The following BANK1 variants were observed in gnomAD, a reference collection of about 807,000 sequenced individuals.
The protein encoded by BANK1 is B-cell scaffold protein with ankyrin repeats.
BANK1 carries 95 observed loss-of-function variants against 94.5 expected under a neutral mutation model. The observed-to-expected ratio is 1.00, with a 90% CI of 0.85 to 1.19. The LOEUF is 1.19. Ranked by LOEUF, BANK1 falls within the 50% of genes most tolerant of loss-of-function variation. The pLI, the probability that BANK1 is intolerant of heterozygous loss-of-function variation, is 0.00. For synonymous variants in BANK1, 334 were observed against 308.4 expected (o/e 1.08, Z -0.87); for missense variants, 987 against 932.2 (o/e 1.06, Z -0.77).
At chr4:101,936,316 CAT>C (rs781465348) in intron 7 of BANK1, among the ~76,000 whole-genome samples, 22 of 149,876 alleles carry the variant, frequency 1.5e-4, no homozygotes, top group South Asian at 6.3e-4. Flanking sequence ...CATATGTACA[CAT>C]ATGTATCCAT....
chr4:101,813,459 G>A (rs1414249630), intron 1 of BANK1, among the ~76,000 whole-genome samples: 3 of 152,032 alleles, frequency 2.0e-5, no homozygotes, highest in African/African-American at 7.2e-5. Context: ...GTATAAAAAA[G>A]CCACTATGGT....
intron 2 of BANK1, among the ~76,000 whole-genome samples, chr4:101,854,598 G>T (rs1460279610): frequency 6.6e-6 from 1 of 151,384 alleles, no homozygotes; most frequent in South Asian, 2.1e-4. Flanking sequence ...TCCCATAATT[G>T]TGCTTTCTGT....
chr4:102,007,145 TTTATATATATATA>T (rs1726325739), intron 7 of BANK1, among the ~76,000 whole-genome samples: 3 of 19,290 alleles, frequency 1.6e-4, no homozygotes, highest in African/African-American at 2.3e-4. Context: ...AAAAATATAT[TTTATATATATATA>T]TATATATATA....
intron 1 of BANK1, among the ~76,000 whole-genome samples, chr4:101,828,641 A>G (rs1726474207): frequency 6.6e-6 from 1 of 152,004 alleles, no homozygotes; most frequent in South Asian, 2.1e-4. Context: ...TAGCATTGTT[A>G]CATTCTTTTT....
intron 1 of BANK1, among the ~76,000 whole-genome samples, chr4:101,826,118 A>G (rs1175452706): frequency 6.6e-6 from 1 of 152,088 alleles, no homozygotes; most frequent in South Asian, 2.1e-4. Context: ...GTTAGAGTAC[A>G]TGATATGTTC....
At chr4:101,814,019 T>G in intron 1 of BANK1, 14 of 410,302 alleles carry the variant, frequency 3.4e-5, no homozygotes, top group South Asian at 2.0e-4. Flanking sequence ...TGAGATGATA[T>G]TTCTTTAGAG....
chr4:101,796,089 G>A (rs945885209), intron 1 of BANK1, among the ~76,000 whole-genome samples: 1 of 152,204 alleles, frequency 6.6e-6, no homozygotes, highest in Non-Finnish European at 1.5e-5. Context: ...GTCAGTGGAA[G>A]ATCCAGTATA....
At chr4:101,909,383 G>T (rs567589186) in intron 6 of BANK1, among the ~76,000 whole-genome samples, 1 of 152,252 alleles carries the variant, frequency 6.6e-6, no homozygotes, top group East Asian at 1.9e-4. Flanking sequence ...CACACACCGG[G>T]GCCTGTCGTG....
intron 1 of BANK1, among the ~76,000 whole-genome samples, chr4:101,817,366 A>G (rs1212949534): frequency 6.6e-6 from 1 of 152,208 alleles, no homozygotes; most frequent in African/African-American, 2.4e-5. Context: ...GAATGCGATT[A>G]TGTCCTTTGC....
chr4:101,883,709 T>G (rs542926654), intron 5 of BANK1, among the ~76,000 whole-genome samples: 2 of 152,276 alleles, frequency 1.3e-5, no homozygotes, highest in East Asian at 3.9e-4. Flanking sequence ...TACTACCTGC[T>G]TTTTTAGAGG....
intron 5 of BANK1, among the ~76,000 whole-genome samples, chr4:101,876,522 G>A (rs888036040): frequency 1.3e-5 from 2 of 152,036 alleles, no homozygotes; most frequent in Non-Finnish European, 2.9e-5. Context: ...AAACAGATAC[G>A]GCTTAGATCA....
Position 101,977,209 on chromosome 4 carries a change from G to T in BANK1, c.1207-44305G>T, listed in dbSNP as rs565182173. 4 of 152,156 alleles carry T rather than the reference G, an allele frequency of 2.6e-5. No individual in the cohort carries two copies. The South Asian group carries it at 8.3e-4, about 32-fold the overall frequency. The allele number at this position is 152,156 out of a possible 1,614,324, so 9.4% of individuals were successfully genotyped here. On this transcript the variant is annotated intron_variant, in intron 7 of 16. Coordinates refer to ENST00000322953, the MANE Select transcript of BANK1 (RefSeq NM_017935.5). ...GCTTCTGCTCATCATAATCACTAAG[G>T]ACCCAGCCTGGCAGACTTCATCATT...
At chr4:102,037,989 G>A (rs1182669195) in intron 10 of BANK1, among the ~76,000 whole-genome samples, 1 of 152,060 alleles carries the variant, frequency 6.6e-6, no homozygotes, top group Non-Finnish European at 1.5e-5. Flanking sequence ...TTCCACTATT[G>A]AATACTATCT....
intron 7 of BANK1, among the ~76,000 whole-genome samples, chr4:101,950,089 A>G (rs990605165): frequency 4.0e-5 from 6 of 151,746 alleles, no homozygotes. Context: ...GCCTACACAA[A>G]TGAGACCCTA....
At chr4:101,858,069 C>T (rs1727744306) in intron 3 of BANK1, among the ~76,000 whole-genome samples, 1 of 152,146 alleles carries the variant, frequency 6.6e-6, no homozygotes, top group Non-Finnish European at 1.5e-5. Flanking sequence ...GAGGTACTCT[C>T]CCGTTGGAAT....
intron 7 of BANK1, among the ~76,000 whole-genome samples, chr4:101,982,344 C>T (rs927177665): frequency 4.6e-5 from 7 of 151,850 alleles, no homozygotes; most frequent in Non-Finnish European, 8.8e-5. Flanking sequence ...GTCTATGACT[C>T]TGACATTGGT....
intron 11 of BANK1, among the ~76,000 whole-genome samples, chr4:102,057,350 C>T (rs148468800): frequency 3.7e-4 from 54 of 145,920 alleles, no homozygotes; most frequent in Middle Eastern, 6.9e-3. Context: ...CTCTCTCTCT[C>T]GCTTTCTCTC....
intron 7 of BANK1, among the ~76,000 whole-genome samples, chr4:101,948,493 A>T (rs757221959): frequency 6.6e-6 from 1 of 152,148 alleles, no homozygotes; most frequent in Admixed American, 6.6e-5. Context: ...AAGGGCAAAG[A>T]AGGGAGTTAT....
rs186933307 is a variant in BANK1, at chr4:101,909,521, C to G, written c.1010-8472C>G. On this transcript the variant is annotated intron_variant, in intron 6 of 16. Transcript: ENST00000322953. ...CAAACCTGCACGTTGTGCACATGTA[C>G]CCTAGAACTTAAAGTATAACACACA... Among the ~76,000 whole-genome samples, 1,269 of 152,222 alleles carry G rather than the reference C, an allele frequency of 8.3e-3. 15 individuals carry two copies. The highest frequency in any genetic ancestry group is 0.034 in the Middle Eastern group (10 of 294).
Sources: gnomAD v4.1 joint callset for allele counts (sites outside exome capture counted in the v4.1 genomes callset) on GRCh38, gnomAD v4.1.1 for gene constraint, MANE v1.5 for transcripts, NCBI Gene and HGNC (gene_info 2026-07-23, HGNC 2026-07-21) for gene names.